Variants in VDR observed in about 807,000 individuals in gnomAD.
VDR encodes the protein vitamin D3 receptor.
A neutral mutation model predicts 39.7 loss-of-function variants in VDR; 19 were observed. The ratio of observed to expected loss-of-function variants is 0.48; its 90% CI spans 0.33 to 0.70. The LOEUF (loss-of-function observed/expected upper bound fraction) is 0.70. VDR is among the 30% of genes least tolerant of loss of function. The pLI is 0.02. For synonymous variants in VDR, 242 were observed against 215.8 expected (o/e 1.12, Z -1.07); for missense variants, 442 against 570.5 (o/e 0.77, Z 2.29).
rs1945213876 is a variant in VDR, at chr12:47,843,671, CCCTT to C, written c.*1071_*1074del. 1 of 152,434 alleles carries C rather than the reference CCCTT, an allele frequency of 6.6e-6. No homozygotes were observed. Among genetic ancestry groups the C allele is most frequent in the South Asian group, 2.1e-4 (1 of 4,828 alleles). The allele number at this position is 152,434 out of a possible 1,614,324, so 9.4% of individuals were successfully genotyped here. On this transcript the variant is annotated 3_prime_UTR_variant, in exon 10 of 10. Transcript: ENST00000549336. Reference sequence around the variant, plus strand: ...TAGCCACCCGAGACTGCCCCGCTCTCCCTTCCCACACTCTGGGGTGCGGCAGCGC... The same window carrying C: ...TAGCCACCCGAGACTGCCCCGCTCTCCCCACACTCTGGGGTGCGGCAGCGC...
rs2137112877 is a variant in VDR at position 47,841,993 on chromosome 12, C to T, written c.*2753G>A. The T allele has an allele frequency of 6.6e-6, 1 of 152,450 alleles. No homozygotes were observed. Among genetic ancestry groups the T allele is most frequent in the African/African-American group, 2.4e-5 (1 of 41,544 alleles). 9.4% of individuals were successfully genotyped at this position (152,450 alleles called of 1,614,324 possible). The stretch of plus-strand genomic sequence containing the variant: ...TTCAGCCCCATAAAAACTCATTTTC[C>T]CCTCTTTTCTTTTCCTCCCAGCTCC... On this transcript the variant is annotated 3_prime_UTR_variant, in exon 10 of 10. Coordinates refer to ENST00000549336, the MANE Select transcript of VDR (RefSeq NM_000376.3).
intron 3 of VDR, among the ~76,000 whole-genome samples, chr12:47,873,463 G>A (rs948947604): frequency 7.1e-6 from 1 of 140,452 alleles, no homozygotes. Context: ...TGGGGTTCAC[G>A]CCATTCTCCT....
chr12:47,845,048 C>T, intron 9 of VDR, 43 bp from the exon 10 acceptor site: 1 of 1,603,448 alleles, frequency 6.2e-7, no homozygotes, highest in Non-Finnish European at 8.5e-7. Context: ...GAGCTCTCAG[C>T]TGGGCCCCTC....
At chr12:47,856,003 A>G (rs1039377465) in intron 6 of VDR, among the ~76,000 whole-genome samples, 2 of 152,192 alleles carry the variant, frequency 1.3e-5, no homozygotes, top group African/African-American at 2.4e-5. Context: ...CAGTAAAATC[A>G]AAGAGCCAGA....
In VDR at chr12:47,873,351, C is replaced by CTTTTT. The variant is rs71077177; in HGVS notation, c.146+5612_146+5616dup. Among the ~76,000 whole-genome samples the CTTTTT allele has an allele frequency of 3.4e-3, 335 of 98,392 alleles. 44 individuals carry two copies. Among genetic ancestry groups the CTTTTT allele is most frequent in the East Asian group, 0.017 (40 of 2,320 alleles). The allele number at this position is 98,392 out of a possible 152,430, so 64.5% of individuals were successfully genotyped here. On this transcript the variant is annotated intron_variant, in intron 3 of 9. Coordinates refer to ENST00000549336, the MANE Select transcript of VDR (RefSeq NM_000376.3). ...ACCATGAGTCAATTAAACCTGTTTT[C>CTTTTT]TTTTTTTTTTTTTTTTTTTTTTTTT...
At chr12:47,866,997 A>AAAAAAC in intron 3 of VDR, among the ~76,000 whole-genome samples, 1 of 150,032 alleles carries the variant, frequency 6.7e-6, no homozygotes, top group East Asian at 2.0e-4. Flanking sequence ...CCCTGTCTCA[A>AAAAAAC]AAAACAAAAC....
chr12:47,892,789 G>A (rs755950969), intron 1 of VDR, among the ~76,000 whole-genome samples: 20 of 152,224 alleles, frequency 1.3e-4, no homozygotes, highest in South Asian at 4.1e-4. Flanking sequence ...GTAAGTGCCA[G>A]GTCTAGAGGG....
At chr12:47,898,121 G>A (rs1038698364) in intron 1 of VDR, among the ~76,000 whole-genome samples, 6 of 152,122 alleles carry the variant, frequency 3.9e-5, no homozygotes, top group Non-Finnish European at 5.9e-5. Flanking sequence ...CACTGCTGGT[G>A]GAAGCCCAGA....
intron 1 of VDR, among the ~76,000 whole-genome samples, chr12:47,886,674 GA>G (rs1366413921): frequency 6.6e-6 from 1 of 152,126 alleles, no homozygotes; most frequent in African/African-American, 2.4e-5. Flanking sequence ...AAACCCAAGA[GA>G]TAACATTCAG....
chr12:47,899,958 C>T (rs908055070), intron 1 of VDR: 1 of 985,566 alleles, frequency 1.0e-6, no homozygotes, highest in Non-Finnish European at 1.2e-6. Flanking sequence ...GTTCAGGAGC[C>T]CTTAAGGGAT....
At chr12:47,868,320 G>A (rs914636247) in intron 3 of VDR, among the ~76,000 whole-genome samples, 1 of 152,208 alleles carries the variant, frequency 6.6e-6, no homozygotes, top group Non-Finnish European at 1.5e-5. Context: ...CACCCAAGGG[G>A]CCTACTGCAG....
intron 2 of VDR, among the ~76,000 whole-genome samples, chr12:47,881,106 A>G (rs74623534): frequency 0.013 from 1,462 of 110,154 alleles, 23 homozygotes; most frequent in African/African-American, 0.036. Context: ...GTGTGTGTGT[A>G]TATATATATA....
intron 3 of VDR, among the ~76,000 whole-genome samples, chr12:47,873,454 G>C (rs1218440971): frequency 7.3e-6 from 1 of 136,852 alleles, no homozygotes; most frequent in African/African-American, 2.8e-5. Flanking sequence ...TCCGCCCCCT[G>C]GGGTTCACGC....
rs777427906 is a variant in VDR at position 47,882,755 on chromosome 12, C to T, written c.-64G>A. The T allele has an allele frequency of 9.8e-6, 15 of 1,534,420 alleles. No homozygotes were observed. In the South Asian group the frequency reaches 1.3e-4, roughly 13 times the overall value. ...GTGCTCTTCTGTGAGGTCTCACAGA[C>T]ACTTCAGACCCAAAGGCTTCTGAAA... On this transcript the variant is annotated 5_prime_UTR_variant, in exon 2 of 10. Transcript: ENST00000549336.
chr12:47,878,503 C>T (rs546015761), intron 3 of VDR, among the ~76,000 whole-genome samples: 17 of 152,318 alleles, frequency 1.1e-4, no homozygotes, highest in South Asian at 2.1e-4. Flanking sequence ...GGGTACAGAT[C>T]GTGATGACCC....
At chr12:47,882,639 C>A in intron 2 of VDR, 55 bp downstream of exon 2, 1 of 696,486 alleles carries the variant, frequency 1.4e-6, no homozygotes. Flanking sequence ...CCCCCCCACC[C>A]CGCCCCTTGA....
intron 8 of VDR, 33 bp from the exon 9 acceptor site, chr12:47,846,484 G>C (rs761806266): frequency 1.3e-5 from 21 of 1,555,884 alleles, no homozygotes; most frequent in Non-Finnish European, 1.8e-5. Context: ...ACTGCGGGCA[G>C]AGCTGAGGAG....
intron 3 of VDR, among the ~76,000 whole-genome samples, chr12:47,868,894 C>A (rs553119888): frequency 1.3e-5 from 2 of 152,136 alleles, no homozygotes; most frequent in Admixed American, 6.5e-5. Context: ...CCATGGGCAC[C>A]AAGAAGACAG....
At chr12:47,870,756 C>A (rs1255061041) in intron 3 of VDR, among the ~76,000 whole-genome samples, 1 of 152,200 alleles carries the variant, frequency 6.6e-6, no homozygotes, top group Non-Finnish European at 1.5e-5. Flanking sequence ...TGCACTGTCA[C>A]AGAGATTCCA....
Sources: allele counts gnomAD v4.1 joint callset (sites outside exome capture counted in the v4.1 genomes callset), GRCh38; gene constraint gnomAD v4.1.1; transcripts MANE v1.5; gene names NCBI Gene and HGNC (gene_info 2026-07-23, HGNC 2026-07-21).